RBFOX1: variants seen among roughly 807,000 people sequenced by gnomAD.
RBFOX1 encodes RNA binding fox-1 homolog 1.
A neutral mutation model predicts 57.7 loss-of-function variants in RBFOX1; 8 were observed. The ratio of observed to expected loss-of-function variants is 0.14; its 90% CI spans 0.08 to 0.25. The LOEUF is 0.25. RBFOX1 is among the 10% of genes least tolerant of loss of function. RBFOX1 has a pLI of 1.00. For missense variants in RBFOX1, 611 were observed against 548.5 expected, an observed-to-expected ratio of 1.11 and a Z score of -1.14; for synonymous variants, 326 against 222.4, an observed-to-expected ratio of 1.47 and a Z score of -4.15.
At chr16:6,594,787 T>A (rs887005622) in intron 2 of RBFOX1, among the ~76,000 whole-genome samples, 61 of 152,208 alleles carry the variant, frequency 4.0e-4, no homozygotes, top group African/African-American at 1.3e-3. Flanking sequence ...CACTTCAGTG[T>A]TTTTTGTTGG....
At chr16:7,008,021 C>G (rs1036142400) in intron 3 of RBFOX1, among the ~76,000 whole-genome samples, 2 of 152,150 alleles carry the variant, frequency 1.3e-5, no homozygotes, top group African/African-American at 4.8e-5. Flanking sequence ...CATTGTGTCT[C>G]TCACCCAACT....
rs750285832 is a variant in RBFOX1, at chr16:6,892,775, C to CCTCTCT, written c.-15-159235_-15-159230dup. ...CATATTCTCAAAGCCTCCCTGTCTC[C>CCTCTCT]CTCTCTCTCTCTCTCTCTCTCTCTC... is the stretch of plus-strand genomic sequence containing the variant. On this transcript the variant is annotated intron_variant, in intron 3 of 15. Coordinates refer to ENST00000550418, the MANE Select transcript of RBFOX1 (RefSeq NM_018723.4). 5.5e-3 allele frequency among the ~76,000 whole-genome samples: 463 copies of CCTCTCT among 84,486 alleles called. 18 individuals carry two copies. Among genetic ancestry groups the CCTCTCT allele is most frequent in the African/African-American group, 9.8e-3 (192 of 19,598 alleles). 55.4% of individuals were successfully genotyped at this position (84,486 alleles called of 152,430 possible). A position where few individuals can be genotyped will look rare whatever the true frequency, so the allele number is the denominator to read the frequency against.
intron 4 of RBFOX1, among the ~76,000 whole-genome samples, chr16:5,879,175 G>A (rs1301687953): frequency 6.6e-6 from 1 of 152,192 alleles, no homozygotes; most frequent in African/African-American, 2.4e-5. Flanking sequence ...AACGCCATGT[G>A]AGTGGTTTTA....
intron 4 of RBFOX1, among the ~76,000 whole-genome samples, chr16:5,897,670 C>G (rs985227309): frequency 1.3e-5 from 2 of 152,142 alleles, no homozygotes; most frequent in Admixed American, 1.3e-4. Context: ...GGTGAACAAA[C>G]CTTTTCATCC....
At chr16:7,239,976 C>T (rs1016304858) in intron 4 of RBFOX1, among the ~76,000 whole-genome samples, 14 of 151,980 alleles carry the variant, frequency 9.2e-5, no homozygotes, top group Middle Eastern at 3.4e-3. Context: ...ATGATGGTGA[C>T]GATTATTTGA....
At chr16:5,290,651 C>A (rs147010556) in intron 1 of RBFOX1, among the ~76,000 whole-genome samples, 1 of 150,836 alleles carries the variant, frequency 6.6e-6, no homozygotes, top group Non-Finnish European at 1.5e-5. Context: ...AAATGAGGAA[C>A]GGCATAGTGA....
chr16:5,392,380 G>A (rs1038653981), intron 1 of RBFOX1, among the ~76,000 whole-genome samples: 8 of 152,058 alleles, frequency 5.3e-5, no homozygotes, highest in African/African-American at 1.9e-4. Context: ...TGCAAAGGCC[G>A]TACTTCCAAA....
intron 3 of RBFOX1, among the ~76,000 whole-genome samples, chr16:5,734,432 T>A (rs2052498054): frequency 6.6e-6 from 1 of 151,798 alleles, no homozygotes; most frequent in African/African-American, 2.4e-5. Flanking sequence ...TGCCAAAAAA[T>A]AAAATAAAAA....
At chr16:6,611,338 G>C (rs546461737) in intron 2 of RBFOX1, among the ~76,000 whole-genome samples, 1 of 152,092 alleles carries the variant, frequency 6.6e-6, no homozygotes, top group Non-Finnish European at 1.5e-5. Context: ...GTAGAGACAG[G>C]GTTTTGCCAT....
intron 2 of RBFOX1, among the ~76,000 whole-genome samples, chr16:6,387,088 A>G (rs2092333968): frequency 1.3e-5 from 2 of 152,188 alleles, no homozygotes; most frequent in Admixed American, 1.3e-4. Flanking sequence ...GTCTTGGTAA[A>G]GTCAAAGTCC....
chr16:6,278,753 G>A (rs759491553), intron 1 of RBFOX1, among the ~76,000 whole-genome samples: 5 of 151,958 alleles, frequency 3.3e-5, no homozygotes, highest in Non-Finnish European at 7.4e-5. Context: ...GTAGGTGGGG[G>A]GTTATTTTGG....
intron 4 of RBFOX1, among the ~76,000 whole-genome samples, chr16:7,470,678 A>G (rs913189481): frequency 6.6e-6 from 1 of 152,082 alleles, no homozygotes; most frequent in Non-Finnish European, 1.5e-5. Context: ...ATGTATGGTT[A>G]GATGGAAGAG....
chr16:6,726,111 G>A (rs1202086561), intron 3 of RBFOX1, among the ~76,000 whole-genome samples: 3 of 152,094 alleles, frequency 2.0e-5, no homozygotes, highest in Non-Finnish European at 2.9e-5. Context: ...AGAGAACTTT[G>A]TTACACAGAG....
intron 2 of RBFOX1, among the ~76,000 whole-genome samples, chr16:5,515,189 A>G (rs1459820852): frequency 3.3e-5 from 5 of 152,246 alleles, no homozygotes; most frequent in African/African-American, 7.2e-5. Context: ...TCAACATGTT[A>G]TTTCGAGAGG....
chr16:6,610,172 T>C lies in RBFOX1; in HGVS notation c.-63-44431T>C, dbSNP rs144276803. Among the ~76,000 whole-genome samples the C allele has an allele frequency of 3.1e-4, 47 of 152,332 alleles. No homozygotes were observed. In the East Asian group the frequency reaches 9.1e-3, roughly 29 times the overall value. On this transcript the variant is annotated intron_variant, in intron 2 of 15. Transcript: ENST00000550418. ...ATTCTCAAAGCCTGAAGCTCTTCGGTGTGCATTAGACTAAATTATCATTCT... is the reference window on the plus strand; with the variant it reads ...ATTCTCAAAGCCTGAAGCTCTTCGGCGTGCATTAGACTAAATTATCATTCT...
intron 4 of RBFOX1, among the ~76,000 whole-genome samples, chr16:7,460,389 ATGTGTGTG>A (rs1235047786): frequency 2.6e-3 from 225 of 86,596 alleles, no homozygotes; most frequent in Middle Eastern, 5.4e-3. Flanking sequence ...ATATATATAT[ATGTGTGTG>A]TGTGTGTGTG....
chr16:6,303,118 T>G (rs2079017695), intron 1 of RBFOX1, among the ~76,000 whole-genome samples: 1 of 152,220 alleles, frequency 6.6e-6, no homozygotes, highest in Non-Finnish European at 1.5e-5. Context: ...TTTCTTGAGA[T>G]GATGAGACCA....
intron 4 of RBFOX1, among the ~76,000 whole-genome samples, chr16:7,362,776 A>G (rs577563205): frequency 2.0e-5 from 3 of 151,862 alleles, no homozygotes; most frequent in East Asian, 1.9e-4. Context: ...CTGTGCGTAT[A>G]TGTGTGTGTG....
intron 14 of RBFOX1, among the ~76,000 whole-genome samples, chr16:7,692,419 A>C (rs1001716717): frequency 1.3e-5 from 2 of 152,134 alleles, no homozygotes; most frequent in Non-Finnish European, 2.9e-5. Context: ...GAAGCACTGA[A>C]ACATTTGAAC....
Sources: allele counts gnomAD v4.1 joint callset (sites outside exome capture counted in the v4.1 genomes callset), GRCh38; gene constraint gnomAD v4.1.1; transcripts MANE v1.5; gene names NCBI Gene and HGNC (gene_info 2026-07-23, HGNC 2026-07-21).